ZNF469: variants seen among roughly 807,000 people sequenced by gnomAD.
ZNF469 encodes zinc finger protein 469.
ZNF469 carries 1 observed loss-of-function variant against 1.0 expected under a neutral mutation model. The ratio of observed to expected loss-of-function variants is 1.00; its 90% confidence interval spans 0.35 to 4.73. The LOEUF (loss-of-function observed/expected upper bound fraction) is 4.73, where lower values mean the gene tolerates loss of function less well. Among genes scored for constraint, ZNF469 ranks in the 30% most tolerant of loss-of-function variants. The pLI, the probability that ZNF469 is intolerant of heterozygous loss-of-function variation, is 0.16. For synonymous variants in ZNF469, 2,703 were observed against 2,363.4 expected, an observed-to-expected ratio of 1.14 and a Z score of -4.17; for missense variants, 6,100 against 5,356.3, an observed-to-expected ratio of 1.14 and a Z score of -4.33.
Position 88,428,941 on chromosome 16 carries a change from G to A in ZNF469, c.1471G>A (p.Ala491Thr), listed in dbSNP as rs117555121. Residue 491 changes from alanine (A) to threonine (T), a missense_variant, in exon 3 of 3, where the codon GCC becomes ACC. Ala to Thr is a moderately conservative substitution (Grantham distance 58). Transcript: ENST00000565624. ...GCCTTGGCCCCAAGTGCTCCCGACC[G>A]CCCGGCCAAGTCCCCACGGAATGGA... The part of the protein sequence containing the change: ...PLPWPQVLPT[A>T]RPSPHGMEML... 4.0e-3 allele frequency: 6,111 copies of A among 1,546,344 alleles called. 167 individuals carry two copies. In the East Asian group the frequency reaches 0.046, roughly 12 times the overall value.
the ZNF469 span, among the ~76,000 whole-genome samples, chr16:88,376,889 C>G: frequency 6.6e-6 from 1 of 152,190 alleles, no homozygotes; most frequent in Non-Finnish European, 1.5e-5. Context: ...CCAGCCCAGA[C>G]GCCAGGCCTC....
At chr16:88,168,927 C>G in the ZNF469 span, among the ~76,000 whole-genome samples, 8 of 152,260 alleles carry the variant, frequency 5.3e-5, no homozygotes, top group East Asian at 1.2e-3. The surrounding 1 kb of genome is among the most constrained non-coding windows in gnomAD (Gnocchi z 4.3). Flanking sequence ...GAGACCCCCC[C>G]CTCTACAAAA....
Position 88,432,129 on chromosome 16 carries a change from T to G in ZNF469, c.4659T>G (p.Leu1553=). The G allele has an allele frequency of 6.4e-7, 1 of 1,550,408 alleles. No individual in the cohort carries two copies. Among genetic ancestry groups the G allele is most frequent in the Non-Finnish European group, 8.7e-7 (1 of 1,146,990 alleles). The part of the protein sequence containing the change: ...PGKGSGCSVA[L]MSHLSEDELE... ...AGGGGAGTGGATGTAGCGTTGCTCT[T>G]ATGAGTCACCTGTCCGAGGATGAAC... Residue 1553 remains leucine, a synonymous_variant, in exon 3 of 3, where the codon CTT becomes CTG. Transcript: ENST00000565624.
rs1445015480 is a variant in ZNF469, at chr16:88,430,454, G to C, written c.2984G>C (p.Arg995Pro). Reference protein sequence around the residue: ...GLGERPPPRPRRPRTQAPGSR... With the variant: ...GLGERPPPRPPRPRTQAPGSR... ...GGGGAGCGGCCCCCACCCCGTCCCC[G>C]GCGCCCTAGAACGCAGGCCCCCGGG... is the stretch of plus-strand genomic sequence containing the variant. The change falls in exon 3 of 3, where the codon CGG becomes CCG. Residue 995 changes from arginine to proline, a missense_variant. Arg to Pro is a moderately radical substitution (Grantham distance 103). Transcript: ENST00000565624. The C allele has an allele frequency of 6.7e-7, 1 of 1,486,068 alleles. No homozygotes were observed. The highest frequency in any genetic ancestry group is 1.3e-5 in the South Asian group (1 of 78,926). The allele number at this position is 1,486,068 out of a possible 1,614,324, so 92.1% of individuals were successfully genotyped here. A position where few individuals can be genotyped will look rare whatever the true frequency, so the allele number is the denominator to read the frequency against.
chr16:88,321,966 C>T, the ZNF469 span, among the ~76,000 whole-genome samples: 2 of 152,248 alleles, frequency 1.3e-5, no homozygotes, highest in Non-Finnish European at 2.9e-5. Flanking sequence ...CTTCTGACAT[C>T]ACTCAACAGC....
the ZNF469 span, among the ~76,000 whole-genome samples, chr16:88,349,463 C>G: frequency 6.7e-6 from 1 of 148,236 alleles, no homozygotes; most frequent in Admixed American, 6.7e-5. Flanking sequence ...CACACAAGTA[C>G]GCACACCCGG....
intron 1 of ZNF469, among the ~76,000 whole-genome samples, chr16:88,389,669 G>A (rs1483924969): frequency 6.6e-6 from 1 of 152,202 alleles, no homozygotes; most frequent in Non-Finnish European, 1.5e-5. Context: ...AGGGGAGGGT[G>A]AGGCGTTGGC....
the ZNF469 span, among the ~76,000 whole-genome samples, chr16:88,247,726 T>TC: frequency 6.6e-6 from 1 of 151,934 alleles, no homozygotes. Context: ...AATGAGCGAG[T>TC]GAGTGAGTCA....
the ZNF469 span, among the ~76,000 whole-genome samples, chr16:88,172,912 A>T: frequency 6.6e-6 from 1 of 152,232 alleles, no homozygotes; most frequent in Admixed American, 6.5e-5. Flanking sequence ...AAACTGTTCG[A>T]ATCAAAGCAG....
chr16:88,414,280 A>G (rs1905249361), intron 1 of ZNF469, among the ~76,000 whole-genome samples: 1 of 152,226 alleles, frequency 6.6e-6, no homozygotes, highest in Admixed American at 6.5e-5. Flanking sequence ...ACGGCCACGG[A>G]TCCCATCACG....
chr16:88,247,786 T>G, the ZNF469 span, among the ~76,000 whole-genome samples: 1 of 150,890 alleles, frequency 6.6e-6, no homozygotes, highest in Non-Finnish European at 1.5e-5. Context: ...AATGAGGGAG[T>G]GAGTAAATGA....
At chr16:88,280,749 T>A in the ZNF469 span, among the ~76,000 whole-genome samples, 1 of 151,460 alleles carries the variant, frequency 6.6e-6, no homozygotes, top group South Asian at 2.1e-4. Flanking sequence ...GTTGCACGTG[T>A]TGGTGCTGTG....
chr16:88,235,041 A>C, the ZNF469 span: 6 of 152,194 alleles, frequency 3.9e-5, no homozygotes, highest in African/African-American at 1.4e-4. Context: ...GATGCCGCCA[A>C]GCTCGGGTCC....
chr16:88,110,836 C>T, the ZNF469 span, among the ~76,000 whole-genome samples: 1 of 152,226 alleles, frequency 6.6e-6, no homozygotes, highest in Admixed American at 6.5e-5. Flanking sequence ...GCAGCAGGTG[C>T]AGCTCAGCCG....
the ZNF469 span, among the ~76,000 whole-genome samples, chr16:88,233,442 G>A: frequency 6.6e-6 from 1 of 152,214 alleles, no homozygotes; most frequent in Non-Finnish European, 1.5e-5. Context: ...TGGGCCGTGG[G>A]CTCACTTTGT....
the ZNF469 span, among the ~76,000 whole-genome samples, chr16:88,147,225 T>A: frequency 6.6e-6 from 1 of 151,942 alleles, no homozygotes; most frequent in Non-Finnish European, 1.5e-5. Flanking sequence ...AGCCAAGGGA[T>A]GTAGGGGCCT....
At chr16:88,133,182 G>A in the ZNF469 span, among the ~76,000 whole-genome samples, 19 of 152,244 alleles carry the variant, frequency 1.2e-4, no homozygotes, top group African/African-American at 4.3e-4. Flanking sequence ...GGGAAGGCGG[G>A]CACTGAAACA....
At chr16:88,153,494 G>T in the ZNF469 span, among the ~76,000 whole-genome samples, 1 of 152,216 alleles carries the variant, frequency 6.6e-6, no homozygotes, top group African/African-American at 2.4e-5. Flanking sequence ...GATTTTTCCC[G>T]AGTGGGTAGA....
At chr16:88,258,450 T>C in the ZNF469 span, among the ~76,000 whole-genome samples, 3 of 109,908 alleles carry the variant, frequency 2.7e-5, no homozygotes, top group Admixed American at 3.9e-4. Flanking sequence ...ACATTGCCGA[T>C]GGCCTTCTCT....
Sources: allele counts gnomAD v4.1 joint callset (sites outside exome capture counted in the v4.1 genomes callset), GRCh38; gene constraint gnomAD v4.1.1; non-coding constraint Gnocchi (gnomAD v3.1); transcripts MANE v1.5; gene names NCBI Gene and HGNC (gene_info 2026-07-23, HGNC 2026-07-21).